TTC1: variants seen among roughly 807,000 people sequenced by gnomAD.
TTC1 encodes the protein tetratricopeptide repeat domain 1.
A neutral mutation model predicts 37.6 loss-of-function variants in TTC1; 31 were observed. The observed-to-expected ratio is 0.82, with a 90% CI of 0.62 to 1.11. The LOEUF is 1.11. TTC1 is among the 50% of genes most tolerant of loss of function. The probability of loss-of-function intolerance (pLI) is 0.00; values close to 1 mark genes in which losing one functional copy is unlikely to be tolerated. For missense variants in TTC1, 351 were observed against 339.0 expected (o/e 1.04, Z -0.28); for synonymous variants, 127 against 122.4 (o/e 1.04, Z -0.25).
chr5:160,024,373 C>T (rs1756764465), intron 2 of TTC1, among the ~76,000 whole-genome samples: 1 of 152,154 alleles, frequency 6.6e-6, no homozygotes, highest in African/African-American at 2.4e-5. Flanking sequence ...AGGAAATAAA[C>T]ATTATTACAA....
At chr5:160,058,553 G>T (rs1323528487) in intron 7 of TTC1, among the ~76,000 whole-genome samples, 1 of 151,832 alleles carries the variant, frequency 6.6e-6, no homozygotes. Context: ...TGGGACTACA[G>T]GTGCCCACCA....
chr5:160,013,515 C>T (rs1050310313), intron 2 of TTC1, among the ~76,000 whole-genome samples: 3 of 151,850 alleles, frequency 2.0e-5, no homozygotes, highest in African/African-American at 4.8e-5. Context: ...GAGGCTGAGG[C>T]GGGCGGATCA....
chr5:160,024,724 C>T (rs774535775), intron 2 of TTC1, among the ~76,000 whole-genome samples: 13 of 151,310 alleles, frequency 8.6e-5, no homozygotes, highest in Admixed American at 2.0e-4. Flanking sequence ...GTCTCAAACT[C>T]GTGCTCAAGT....
At chr5:160,039,493 T>A (rs1366031398) in intron 4 of TTC1, among the ~76,000 whole-genome samples, 2 of 152,016 alleles carry the variant, frequency 1.3e-5, no homozygotes, top group Non-Finnish European at 2.9e-5. Flanking sequence ...ACACTCCACT[T>A]TGGGGACTAC....
intron 2 of TTC1, among the ~76,000 whole-genome samples, chr5:160,016,927 C>T (rs1455392685): frequency 2.0e-5 from 3 of 152,176 alleles, no homozygotes; most frequent in Admixed American, 2.0e-4. Context: ...CTCAGCAGGA[C>T]TCATAAATCA....
chr5:160,019,934 G>C (rs1472704489), intron 2 of TTC1, among the ~76,000 whole-genome samples: 1 of 151,664 alleles, frequency 6.6e-6, no homozygotes, highest in Non-Finnish European at 1.5e-5. Flanking sequence ...GTTGTTTTCT[G>C]TTTGTTTATT....
At chr5:160,039,866 G>A (rs760511424) in intron 4 of TTC1, among the ~76,000 whole-genome samples, 3 of 152,150 alleles carry the variant, frequency 2.0e-5, no homozygotes, top group Non-Finnish European at 2.9e-5. Flanking sequence ...AATAAAAAAA[G>A]GTCCCAGATG....
intron 2 of TTC1, among the ~76,000 whole-genome samples, chr5:160,033,281 G>A (rs73309345): frequency 0.098 from 14,819 of 151,696 alleles, 849 homozygotes; most frequent in Admixed American, 0.19. Flanking sequence ...CCTCAGATAC[G>A]TTATATCTTA....
chr5:160,016,255 A>G (rs1292667476), intron 2 of TTC1, among the ~76,000 whole-genome samples: 1 of 152,138 alleles, frequency 6.6e-6, no homozygotes, highest in African/African-American at 2.4e-5. Context: ...GTGCACACCT[A>G]TAGTCCCAGC....
At chr5:160,049,422 C>G in intron 5 of TTC1, 92 bp from the exon 6 acceptor site, 1 of 1,222,730 alleles carries the variant, frequency 8.2e-7, no homozygotes, top group Non-Finnish European at 1.1e-6. Flanking sequence ...CTTTCGTATC[C>G]TTGGAGGATG....
intron 2 of TTC1, among the ~76,000 whole-genome samples, chr5:160,028,262 G>A (rs949953658): frequency 5.6e-5 from 8 of 143,610 alleles, no homozygotes; most frequent in South Asian, 2.2e-4. Context: ...TCACACCACT[G>A]CACTCCAGCA....
At chr5:160,022,209 A>C (rs904162905) in intron 2 of TTC1, among the ~76,000 whole-genome samples, 1 of 152,298 alleles carries the variant, frequency 6.6e-6, no homozygotes, top group African/African-American at 2.4e-5. Flanking sequence ...GTATACACTT[A>C]TAAGCTCAAA....
chr5:160,013,760 TACTA>T (rs1351829272), intron 2 of TTC1, among the ~76,000 whole-genome samples: 3 of 143,222 alleles, frequency 2.1e-5, no homozygotes, highest in African/African-American at 5.1e-5. Context: ...AAAAAAAAAA[TACTA>T]ACTAAAACAT....
intron 2 of TTC1, among the ~76,000 whole-genome samples, chr5:160,018,042 C>T (rs553661116): frequency 1.3e-5 from 2 of 152,210 alleles, no homozygotes; most frequent in Admixed American, 6.5e-5. Context: ...GAACTTAATC[C>T]TCAATGTGTA....
At chr5:160,054,930 A>T (rs1581122040) in intron 7 of TTC1, among the ~76,000 whole-genome samples, 1 of 152,240 alleles carries the variant, frequency 6.6e-6, no homozygotes, top group African/African-American at 2.4e-5. Context: ...CCTCTGCTCA[A>T]CTGTAAGATA....
chr5:160,040,591 T>G (rs1161316922), intron 4 of TTC1, among the ~76,000 whole-genome samples: 1 of 152,202 alleles, frequency 6.6e-6, no homozygotes, highest in Non-Finnish European at 1.5e-5. Flanking sequence ...TTTTCTCTTC[T>G]GAGCTGGGGC....
chr5:160,046,423 G>A (rs1020516661), intron 5 of TTC1, among the ~76,000 whole-genome samples: 3 of 151,614 alleles, frequency 2.0e-5, no homozygotes, highest in Non-Finnish European at 2.9e-5. Flanking sequence ...TCCTCTGTTA[G>A]CTTTTATGTC....
At chr5:160,056,560 C>A (rs1172939974) in intron 7 of TTC1, among the ~76,000 whole-genome samples, 1 of 151,926 alleles carries the variant, frequency 6.6e-6, no homozygotes, top group Non-Finnish European at 1.5e-5. Context: ...CCTGTCTCTA[C>A]AAAAAAATAA....
At position 160,049,887 on chromosome 5, in the gene TTC1, G is replaced by C. The variant is rs543386295; in HGVS notation, c.690+225G>C. ...GAGGCCAGGAGCTCGAGACCAGCCT[G>C]GCCAACACAACAAAACCCCATCTCT... On this transcript the variant is annotated intron_variant, in intron 6 of 7. Coordinates refer to ENST00000231238, the MANE Select transcript of TTC1 (RefSeq NM_003314.3). 2.6e-5 allele frequency among the ~76,000 whole-genome samples: 4 copies of C among 152,160 alleles called. No homozygotes were observed. In the East Asian group the frequency reaches 7.7e-4, roughly 29 times the overall value.
Sources: gnomAD v4.1 joint callset for allele counts (sites outside exome capture counted in the v4.1 genomes callset) on GRCh38, gnomAD v4.1.1 for gene constraint, MANE v1.5 for transcripts, NCBI Gene and HGNC (gene_info 2026-07-23, HGNC 2026-07-21) for gene names.